Variants in CLEC1A observed in about 807,000 individuals in gnomAD.
The protein encoded by CLEC1A is C-type lectin domain family 1 member A.
In CLEC1A, 34 loss-of-function variants were observed where a neutral mutation model predicts 28.7. That is an observed-to-expected ratio of 1.18 (90% confidence interval 0.90 to 1.57). The LOEUF (loss-of-function observed/expected upper bound fraction) is 1.57, where lower values mean the gene tolerates loss of function less well. Ranked by LOEUF, CLEC1A falls within the 40% of genes most tolerant of loss-of-function variation. The pLI is 0.00. For missense variants in CLEC1A, 385 were observed against 339.5 expected, an observed-to-expected ratio of 1.13 and a Z score of -1.05; for synonymous variants, 116 against 121.0, an observed-to-expected ratio of 0.96 and a Z score of 0.27.
chr12:10,080,167 G>A (rs185339302), intron 3 of CLEC1A, among the ~76,000 whole-genome samples: 1 of 152,172 alleles, frequency 6.6e-6, no homozygotes, highest in Non-Finnish European at 1.5e-5. Flanking sequence ...GAAAAAATTA[G>A]CTGGGTGCAG....
In CLEC1A at chr12:10,069,636, G is replaced by A. The variant is rs1053162432; in HGVS notation, c.*1697C>T. The A allele has an allele frequency of 6.6e-6, 1 of 152,104 alleles. No individual in the cohort carries two copies. The highest frequency in any genetic ancestry group is 2.4e-5 in the African/African-American group (1 of 41,416). The allele number at this position is 152,104 out of a possible 1,614,324, so 9.4% of individuals were successfully genotyped here. A position where few individuals can be genotyped will look rare whatever the true frequency, so the allele number is the denominator to read the frequency against. On this transcript the variant is annotated 3_prime_UTR_variant, in exon 6 of 6. Coordinates refer to ENST00000315330, the MANE Select transcript of CLEC1A (RefSeq NM_016511.4). ...TTTCTACTTCATATGCAGTGAAATA[G>A]GTTTCATGAAGTAAAGTGACTTGCC...
At position 10,069,910 on chromosome 12, in the gene CLEC1A, T is replaced by C. The variant is rs1026087877; in HGVS notation, c.*1423A>G. 6.6e-6 allele frequency: 1 copy of C among 152,272 alleles called. No individual in the cohort carries two copies. Among genetic ancestry groups the C allele is most frequent in the Non-Finnish European group, 1.5e-5 (1 of 68,042 alleles). The allele number at this position is 152,272 out of a possible 1,614,324, so 9.4% of individuals were successfully genotyped here. A position where few individuals can be genotyped will look rare whatever the true frequency, so the allele number is the denominator to read the frequency against. On this transcript the variant is annotated 3_prime_UTR_variant, in exon 6 of 6. Transcript: ENST00000315330. Reference sequence around the variant, plus strand: ...GTTCTTTCTATCATATGATTGCTACTATACGTCATTTTACCATGAGATAGA... The same window carrying C: ...GTTCTTTCTATCATATGATTGCTACCATACGTCATTTTACCATGAGATAGA...
chr12:10,081,488 C>T (rs2137345773), intron 2 of CLEC1A, 75 bp from the exon 3 acceptor site: 1 of 1,233,542 alleles, frequency 8.1e-7, no homozygotes, highest in East Asian at 2.5e-5. Context: ...ATGGGGAAGA[C>T]AAAACAGTAT....
intron 1 of CLEC1A, among the ~76,000 whole-genome samples, chr12:10,094,681 T>A (rs571659505): frequency 6.6e-6 from 1 of 152,154 alleles, no homozygotes; most frequent in African/African-American, 2.4e-5. Flanking sequence ...TCAATATTTA[T>A]ACATGGCAGT....
chr12:10,076,497 A>G (rs1866253781), intron 3 of CLEC1A, among the ~76,000 whole-genome samples: 1 of 152,218 alleles, frequency 6.6e-6, no homozygotes, highest in Admixed American at 6.5e-5. Flanking sequence ...TAAATAAATA[A>G]CTTAGAAGGA....
rs1020638930 is a variant in CLEC1A at position 10,070,751 on chromosome 12, G to A, written c.*582C>T. The A allele has an allele frequency of 6.6e-6, 1 of 152,218 alleles. No homozygotes were observed. Among genetic ancestry groups the A allele is most frequent in the Non-Finnish European group, 1.5e-5 (1 of 68,052 alleles). 9.4% of individuals were successfully genotyped at this position (152,218 alleles called of 1,614,324 possible). A position where few individuals can be genotyped will look rare whatever the true frequency, so the allele number is the denominator to read the frequency against. ...GGACACAGGAAGGAATGCTTATAAG[G>A]CATTGAGATTTGAGATTCTCATATC... On this transcript the variant is annotated 3_prime_UTR_variant, in exon 6 of 6. Transcript: ENST00000315330.
In CLEC1A at chr12:10,069,580, T is replaced by G. The variant is rs1444179583; in HGVS notation, c.*1753A>C. ...GATTTCACATTTACTTTATTTCAGC[T>G]AACAGTAACATTATGAGGAAATTAT... On this transcript the variant is annotated 3_prime_UTR_variant, in exon 6 of 6. Transcript: ENST00000315330. 6.6e-6 allele frequency: 1 copy of G among 152,238 alleles called. No individual in the cohort carries two copies. Among genetic ancestry groups the G allele is most frequent in the Admixed American group, 6.5e-5 (1 of 15,276 alleles). 9.4% of individuals were successfully genotyped at this position (152,238 alleles called of 1,614,324 possible).
At chr12:10,082,923 TAAA>T (rs1866401730) in intron 2 of CLEC1A, among the ~76,000 whole-genome samples, 2 of 152,084 alleles carry the variant, frequency 1.3e-5, no homozygotes, top group East Asian at 3.9e-4. Context: ...AACAGCACAC[TAAA>T]CATATCTACA....
chr12:10,074,886 T>A (rs572463320), intron 4 of CLEC1A, among the ~76,000 whole-genome samples: 1 of 152,300 alleles, frequency 6.6e-6, no homozygotes, highest in African/African-American at 2.4e-5. Context: ...CTAGAGAAAC[T>A]GATAAATAAA....
At chr12:10,085,196 A>AACACACAC (rs144572464) in intron 2 of CLEC1A, among the ~76,000 whole-genome samples, 4,038 of 129,070 alleles carry the variant, frequency 0.031, 68 homozygotes, top group African/African-American at 0.036. Flanking sequence ...ATAAGACAAT[A>AACACACAC]ACACACACAC....
intron 1 of CLEC1A, among the ~76,000 whole-genome samples, chr12:10,094,463 AAGAG>A (rs1311263113): frequency 2.0e-5 from 3 of 151,936 alleles, no homozygotes; most frequent in African/African-American, 4.8e-5. Flanking sequence ...AGTATTGAAA[AAGAG>A]AGAGAGAGAA....
chr12:10,075,656 C>T lies in CLEC1A; in HGVS notation c.392-1G>A, dbSNP rs751876196. The T allele has an allele frequency of 5.0e-6, 8 of 1,610,694 alleles. No homozygotes were observed. In the East Asian group the frequency reaches 1.6e-4, roughly 31 times the overall value. ...TCTGTACAAGGGCTGCACCTGTGTGCTTGGAAAAAAGCCAATTTTATTGTT... is the reference window on the plus strand; with the variant it reads ...TCTGTACAAGGGCTGCACCTGTGTGTTTGGAAAAAAGCCAATTTTATTGTT... On this transcript the variant is annotated splice_acceptor_variant, in intron 3 of 5. Coordinates refer to ENST00000315330, the MANE Select transcript of CLEC1A (RefSeq NM_016511.4). LOFTEE classifies it high-confidence loss of function.
At chr12:10,080,664 C>G (rs549461044) in intron 3 of CLEC1A, among the ~76,000 whole-genome samples, 4 of 152,314 alleles carry the variant, frequency 2.6e-5, no homozygotes, top group Non-Finnish European at 5.9e-5. Context: ...AATAGGAATA[C>G]ACATGCACTC....
intron 5 of CLEC1A, among the ~76,000 whole-genome samples, chr12:10,072,520 C>T (rs1427726793): frequency 6.6e-6 from 1 of 152,156 alleles, no homozygotes; most frequent in East Asian, 1.9e-4. Flanking sequence ...TATTTTGCTG[C>T]ACAGAAAGCC....
chr12:10,089,311 G>T, intron 1 of CLEC1A, 89 bp from the exon 2 acceptor site: 2 of 1,037,002 alleles, frequency 1.9e-6, no homozygotes, highest in South Asian at 2.8e-5. Context: ...AGTTAATTCT[G>T]CACAAGAACA....
intron 3 of CLEC1A, among the ~76,000 whole-genome samples, chr12:10,077,573 C>T (rs1275301332): frequency 6.6e-6 from 1 of 152,076 alleles, no homozygotes; most frequent in Non-Finnish European, 1.5e-5. Context: ...GGAACATGTA[C>T]ACTTTCTATG....
At chr12:10,076,795 C>T (rs1866261487) in intron 3 of CLEC1A, among the ~76,000 whole-genome samples, 1 of 152,198 alleles carries the variant, frequency 6.6e-6, no homozygotes, top group Non-Finnish European at 1.5e-5. Flanking sequence ...ACTATGGTCC[C>T]TGTTGTTGTG....
At position 10,070,419 on chromosome 12, in the gene CLEC1A, G is replaced by C. The variant is rs1057370698; in HGVS notation, c.*914C>G. ...AAAATAATGACCGCTATCATATTTT[G>C]AAAAGCATTTCCATGCTGAATTTTC... On this transcript the variant is annotated 3_prime_UTR_variant, in exon 6 of 6. Transcript: ENST00000315330. The C allele has an allele frequency of 2.0e-5, 3 of 152,144 alleles. No homozygotes were observed. Among genetic ancestry groups the C allele is most frequent in the Non-Finnish European group, 2.9e-5 (2 of 68,042 alleles). The allele number at this position is 152,144 out of a possible 1,614,324, so 9.4% of individuals were successfully genotyped here. A position where few individuals can be genotyped will look rare whatever the true frequency, so the allele number is the denominator to read the frequency against.
At chr12:10,089,099 C>G (rs1376391385) in intron 2 of CLEC1A, 25 bp downstream of exon 2, 1 of 1,560,000 alleles carries the variant, frequency 6.4e-7, no homozygotes, top group East Asian at 2.2e-5. Flanking sequence ...CCAGGATCCT[C>G]CCCCAGGTCA....
Sources: gnomAD v4.1 joint callset for allele counts (sites outside exome capture counted in the v4.1 genomes callset) on GRCh38, gnomAD v4.1.1 for gene constraint, MANE v1.5 for transcripts, NCBI Gene and HGNC (gene_info 2026-07-23, HGNC 2026-07-21) for gene names.